The following RRP15 variants were observed in gnomAD, a reference collection of about 807,000 sequenced individuals.
The protein encoded by RRP15 is RRP15-like protein.
In RRP15, 18 loss-of-function variants were observed where a neutral mutation model predicts 27.1. That is an observed-to-expected ratio of 0.66 (90% confidence interval 0.46 to 0.98). The LOEUF (loss-of-function observed/expected upper bound fraction) is 0.98, where lower values mean the gene tolerates loss of function less well. RRP15 is among the 50% of genes least tolerant of loss of function. The pLI is 0.00. For missense variants in RRP15, 359 were observed against 337.8 expected, an observed-to-expected ratio of 1.06 and a Z score of -0.49; for synonymous variants, 107 against 109.4, an observed-to-expected ratio of 0.98 and a Z score of 0.14.
intron 4 of RRP15, among the ~76,000 whole-genome samples, chr1:218,320,689 C>T (rs1183961903): frequency 2.0e-5 from 3 of 151,960 alleles, no homozygotes; most frequent in African/African-American, 7.3e-5. Context: ...AAGTTGTTTT[C>T]CACCCCATTC....
At chr1:218,313,895 C>G (rs978825800) in intron 4 of RRP15, among the ~76,000 whole-genome samples, 1 of 152,196 alleles carries the variant, frequency 6.6e-6, no homozygotes, top group Admixed American at 6.5e-5. Flanking sequence ...CGATCAAATA[C>G]AGGAAGCATC....
intron 4 of RRP15, among the ~76,000 whole-genome samples, chr1:218,318,684 A>G (rs1365991056): frequency 6.6e-6 from 1 of 152,186 alleles, no homozygotes; most frequent in Non-Finnish European, 1.5e-5. Context: ...GAGACACATT[A>G]TCAGAATGTT....
At chr1:218,324,324 T>C (rs752511227) in intron 4 of RRP15, among the ~76,000 whole-genome samples, 21 of 152,208 alleles carry the variant, frequency 1.4e-4, no homozygotes, top group Non-Finnish European at 2.5e-4. Flanking sequence ...GAGTCTTGCC[T>C]GCACCTTCGG....
At position 218,333,909 on chromosome 1, in the gene RRP15, G is replaced by A. The variant is rs527805918; in HGVS notation, c.*2818G>A. 397 of 152,074 alleles carry A rather than the reference G, an allele frequency of 2.6e-3. No individual in the cohort carries two copies. Among genetic ancestry groups the A allele is most frequent in the African/African-American group, 9.0e-3 (375 of 41,498 alleles). The allele number at this position is 152,074 out of a possible 1,614,324, so 9.4% of individuals were successfully genotyped here. On this transcript the variant is annotated 3_prime_UTR_variant, in exon 5 of 5. Coordinates refer to ENST00000366932, the MANE Select transcript of RRP15 (RefSeq NM_016052.4). ...GGTAACTACTTAGAATAATATAGTAGGTTACTTATCTTCGGTTAGAAAGAA... is the reference window on the plus strand; with the variant it reads ...GGTAACTACTTAGAATAATATAGTAAGTTACTTATCTTCGGTTAGAAAGAA...
intron 4 of RRP15, among the ~76,000 whole-genome samples, chr1:218,314,663 T>C (rs1303740935): frequency 6.6e-6 from 1 of 152,036 alleles, no homozygotes; most frequent in African/African-American, 2.4e-5. Flanking sequence ...ATTATAATTT[T>C]ATAGTAAGGG....
Position 218,332,991 on chromosome 1 carries a change from A to C in RRP15, c.*1900A>C, listed in dbSNP as rs908747641. The C allele has an allele frequency of 6.6e-6, 1 of 152,174 alleles. No homozygotes were observed. Among genetic ancestry groups the C allele is most frequent in the African/African-American group, 2.4e-5 (1 of 41,462 alleles). The allele number at this position is 152,174 out of a possible 1,614,324, so 9.4% of individuals were successfully genotyped here. On this transcript the variant is annotated 3_prime_UTR_variant, in exon 5 of 5. Transcript: ENST00000366932. The stretch of plus-strand genomic sequence containing the variant: ...GAGTTTTGCAGGAATTTTTCTGAAT[A>C]GTACATTCACATGATAGATACGGAT...
At chr1:218,328,613 A>G (rs754451501) in intron 4 of RRP15, among the ~76,000 whole-genome samples, 1 of 151,916 alleles carries the variant, frequency 6.6e-6, no homozygotes, top group Non-Finnish European at 1.5e-5. Flanking sequence ...CAGTGAGCCG[A>G]GATTGCGCCA....
intron 4 of RRP15, among the ~76,000 whole-genome samples, chr1:218,312,838 T>A (rs1656024321): frequency 6.6e-6 from 1 of 152,192 alleles, no homozygotes; most frequent in South Asian, 2.1e-4. Flanking sequence ...GTTCTGTAAT[T>A]TTTCAGATTC....
chr1:218,313,972 T>TTTTTATTTTATTTTA (rs66715330), intron 4 of RRP15, among the ~76,000 whole-genome samples: 141 of 147,280 alleles, frequency 9.6e-4, no homozygotes, highest in Middle Eastern at 3.4e-3. Flanking sequence ...CCCCGAGTGA[T>TTTTTATTTTATTTTA]TTTTATTTTA....
intron 1 of RRP15, among the ~76,000 whole-genome samples, chr1:218,290,894 T>C (rs548187054): frequency 6.6e-6 from 1 of 152,230 alleles, no homozygotes; most frequent in African/African-American, 2.4e-5. Context: ...CTTTGGAGGC[T>C]GAGGTGGGAG....
chr1:218,304,968 T>C (rs1474223227), intron 2 of RRP15, 60 bp from the exon 3 acceptor site: 7 of 1,444,174 alleles, frequency 4.8e-6, no homozygotes, highest in South Asian at 1.2e-5. Flanking sequence ...ATCATACCAA[T>C]GTTTGCTGCA....
intron 3 of RRP15, among the ~76,000 whole-genome samples, chr1:218,306,462 C>T (rs1277512619): frequency 6.6e-6 from 1 of 152,158 alleles, no homozygotes; most frequent in Non-Finnish European, 1.5e-5. Flanking sequence ...CCTACAAACA[C>T]AACCCTGAGA....
At position 218,334,339 on chromosome 1, in the gene RRP15, G is replaced by A. The variant is rs756882865; in HGVS notation, c.*3248G>A. 6 of 152,132 alleles carry A rather than the reference G, an allele frequency of 3.9e-5. No homozygotes were observed. Among genetic ancestry groups the A allele is most frequent in the Non-Finnish European group, 8.8e-5 (6 of 68,028 alleles). The allele number at this position is 152,132 out of a possible 1,614,324, so 9.4% of individuals were successfully genotyped here. A position where few individuals can be genotyped will look rare whatever the true frequency, so the allele number is the denominator to read the frequency against. ...TAGAGCCTAAAGTCACTCAGTAGGA[G>A]GTTCTCAAAGGTCTATTTGAAGGCA... On this transcript the variant is annotated 3_prime_UTR_variant, in exon 5 of 5. Coordinates refer to ENST00000366932, the MANE Select transcript of RRP15 (RefSeq NM_016052.4).
intron 1 of RRP15, among the ~76,000 whole-genome samples, chr1:218,296,915 T>C (rs1246434892): frequency 1.3e-5 from 2 of 152,182 alleles, no homozygotes; most frequent in Non-Finnish European, 2.9e-5. Context: ...ATTTTCCCTC[T>C]ATTTCTTGAC....
intron 4 of RRP15, among the ~76,000 whole-genome samples, chr1:218,324,326 C>T (rs1393666817): frequency 6.6e-6 from 1 of 152,222 alleles, no homozygotes; most frequent in Non-Finnish European, 1.5e-5. Context: ...GTCTTGCCTG[C>T]ACCTTCGGCC....
In RRP15 at chr1:218,307,415, A is replaced by T; in HGVS notation, c.504-16A>T. 6.2e-7 allele frequency: 1 copy of T among 1,601,246 alleles called. No homozygotes were observed. The highest frequency in any genetic ancestry group is 1.3e-5 in the African/African-American group (1 of 74,574). On this transcript the variant is annotated splice_polypyrimidine_tract_variant and intron_variant, in intron 3 of 4. Transcript: ENST00000366932. ...AATTATTTAATACATCATTCTGGTC[A>T]TTTTATATTCTACAGGGGTGTGGTG...
intron 1 of RRP15, among the ~76,000 whole-genome samples, chr1:218,292,331 A>G (rs1655657743): frequency 6.6e-6 from 1 of 152,210 alleles, no homozygotes; most frequent in African/African-American, 2.4e-5. Flanking sequence ...TGAGAGGCAC[A>G]TTGCATCCTT....
intron 1 of RRP15, among the ~76,000 whole-genome samples, chr1:218,298,331 T>C (rs550724091): frequency 1.3e-5 from 2 of 152,312 alleles, no homozygotes. Context: ...TTCCTCATTG[T>C]TTTTCTTTAA....
At chr1:218,314,450 G>T (rs1000119690) in intron 4 of RRP15, among the ~76,000 whole-genome samples, 1 of 151,852 alleles carries the variant, frequency 6.6e-6, no homozygotes, top group Non-Finnish European at 1.5e-5. Flanking sequence ...CAGATTTCTT[G>T]GAATGTAATT....
Sources: gnomAD v4.1 joint callset for allele counts (sites outside exome capture counted in the v4.1 genomes callset) on GRCh38, gnomAD v4.1.1 for gene constraint, MANE v1.5 for transcripts, NCBI Gene and HGNC (gene_info 2026-07-23, HGNC 2026-07-21) for gene names.